KCNMA1: variants seen among roughly 807,000 people sequenced by gnomAD.
KCNMA1 encodes potassium calcium-activated channel subfamily M alpha 1.
A neutral mutation model predicts 140.0 loss-of-function variants in KCNMA1; 29 were observed. The observed-to-expected ratio is 0.21, with a 90% CI of 0.15 to 0.28. The LOEUF is 0.28. Ranked by LOEUF, KCNMA1 falls within the 10% of genes least tolerant of loss-of-function variation. The pLI is 1.00. For synonymous variants in KCNMA1, 612 were observed against 611.9 expected (o/e 1.00, Z 0.00); for missense variants, 880 against 1,602.2 (o/e 0.55, Z 7.70).
At chr10:77,532,272 G>A (rs1433750648) in intron 1 of KCNMA1, among the ~76,000 whole-genome samples, 2 of 152,300 alleles carry the variant, frequency 1.3e-5, no homozygotes, top group South Asian at 2.1e-4. Context: ...GCAGGCGTGT[G>A]CTAACACGTC....
At chr10:76,878,349 T>A (rs1415297697) in intron 29 of KCNMA1, among the ~76,000 whole-genome samples, 1 of 152,150 alleles carries the variant, frequency 6.6e-6, no homozygotes, top group African/African-American at 2.4e-5. Flanking sequence ...ATCCAGAATC[T>A]TACACAGAAT....
intron 2 of KCNMA1, among the ~76,000 whole-genome samples, chr10:77,324,506 C>A (rs2083293931): frequency 6.6e-6 from 1 of 151,604 alleles, no homozygotes; most frequent in African/African-American, 2.4e-5. Flanking sequence ...AGCACACAAG[C>A]CCTGTCAATG....
At chr10:77,171,402 T>C (rs368747158) in intron 5 of KCNMA1, among the ~76,000 whole-genome samples, 240 of 26,664 alleles carry the variant, frequency 9.0e-3, no homozygotes, top group Middle Eastern at 0.07. Flanking sequence ...TGTGTGTGCG[T>C]GTGTGTGTGT....
At chr10:77,019,147 T>C (rs1437394980) in intron 16 of KCNMA1, 48 bp from the exon 17 acceptor site, 2 of 1,035,608 alleles carry the variant, frequency 1.9e-6, no homozygotes, top group East Asian at 2.4e-5. Context: ...TGTGAGGTCA[T>C]GTTCTGAATA....
At chr10:77,013,447 G>T (rs1213418847) in intron 17 of KCNMA1, among the ~76,000 whole-genome samples, 1 of 151,952 alleles carries the variant, frequency 6.6e-6, no homozygotes, top group South Asian at 2.1e-4. Context: ...AAAATAAAAA[G>T]AAATCCTAGC....
At position 77,004,909 on chromosome 10, in the gene KCNMA1, G is replaced by A. The variant is rs570184037; in HGVS notation, c.2093-3329C>T. The stretch of plus-strand genomic sequence containing the variant: ...AAGAGTTCCACTTTAAATTCCCAAG[G>A]TTAGGTCTCAAAGTGCAACTTTGAA... On this transcript the variant is annotated intron_variant, in intron 18 of 27. Coordinates refer to ENST00000286628, the MANE Select transcript of KCNMA1 (RefSeq NM_001161352.2). Among the ~76,000 whole-genome samples, 3 of 152,232 alleles carry A rather than the reference G, an allele frequency of 2.0e-5. No homozygotes were observed. In the South Asian group the frequency reaches 6.2e-4, roughly 32 times the overall value.
intron 19 of KCNMA1, chr10:76,974,663 G>C (rs1424441243): frequency 1.1e-6 from 1 of 876,028 alleles, no homozygotes; most frequent in Non-Finnish European, 1.8e-6. Context: ...ACATTGAATA[G>C]CTTTGAATCA....
chr10:76,932,816 G>A (rs996236169), intron 23 of KCNMA1, among the ~76,000 whole-genome samples: 6 of 152,106 alleles, frequency 3.9e-5, no homozygotes, highest in Admixed American at 6.5e-5. Flanking sequence ...CCAGTCTACC[G>A]CTGAGAGGAA....
intron 2 of KCNMA1, among the ~76,000 whole-genome samples, chr10:77,270,341 A>G (rs1035049740): frequency 6.6e-6 from 1 of 152,132 alleles, no homozygotes; most frequent in Non-Finnish European, 1.5e-5. Context: ...ATAGTGGTGC[A>G]TGTTGGTCCC....
At chr10:77,214,951 G>A (rs1375647076) in intron 3 of KCNMA1, among the ~76,000 whole-genome samples, 1 of 152,128 alleles carries the variant, frequency 6.6e-6, no homozygotes, top group Non-Finnish European at 1.5e-5. Flanking sequence ...GGCATTCAAA[G>A]TCATCTTTGT....
intron 1 of KCNMA1, chr10:77,587,962 C>A (rs946657004): frequency 3.5e-6 from 2 of 579,422 alleles, no homozygotes; most frequent in African/African-American, 2.0e-5. Flanking sequence ...AGAAATAATA[C>A]TGCAAAGCAC....
chr10:77,562,408 G>C (rs545436451), intron 1 of KCNMA1, among the ~76,000 whole-genome samples: 5 of 152,188 alleles, frequency 3.3e-5, no homozygotes, highest in Non-Finnish European at 7.3e-5. Flanking sequence ...TTCCTCGCAA[G>C]CTGTTGTCAG....
chr10:76,872,962 T>TAA (rs2031649813), downstream of KCNMA1: 1 of 152,136 alleles, frequency 6.6e-6, no homozygotes, highest in African/African-American at 2.4e-5. Flanking sequence ...TCTCAGGTCC[T>TAA]TTTTGTGATT....
At chr10:77,481,540 C>T (rs1049393738) in intron 1 of KCNMA1, among the ~76,000 whole-genome samples, 8 of 151,760 alleles carry the variant, frequency 5.3e-5, no homozygotes, top group African/African-American at 9.7e-5. Context: ...TTTGGGAGGC[C>T]GAGACGGGCG....
chr10:77,314,360 G>A lies in KCNMA1; in HGVS notation c.541-63104C>T, dbSNP rs7072236. 2.2e-3 allele frequency among the ~76,000 whole-genome samples: 331 copies of A among 152,230 alleles called. 2 individuals are homozygous for A. The highest frequency in any genetic ancestry group is 0.014 in the Middle Eastern group (4 of 294). On this transcript the variant is annotated intron_variant, in intron 2 of 27. Transcript: ENST00000286628. ...CAGACTGTCTGGCTGCAGGAATTAG[G>A]GCAAATCAGAGATGTTATAGAAAGA...
At chr10:77,099,145 G>A (rs1231439443) in intron 9 of KCNMA1, among the ~76,000 whole-genome samples, 4 of 152,064 alleles carry the variant, frequency 2.6e-5, no homozygotes, top group African/African-American at 4.8e-5. Context: ...AGGGATGAAG[G>A]TGGAATAGAG....
At chr10:77,628,687 T>C (rs1294824063) in intron 1 of KCNMA1, among the ~76,000 whole-genome samples, 1 of 152,060 alleles carries the variant, frequency 6.6e-6, no homozygotes, top group Non-Finnish European at 1.5e-5. Context: ...TTTTTCCTTT[T>C]TAAAAAAACA....
intron 3 of KCNMA1, among the ~76,000 whole-genome samples, chr10:77,200,476 T>G (rs2042101617): frequency 6.6e-6 from 1 of 152,180 alleles, no homozygotes; most frequent in African/African-American, 2.4e-5. Context: ...TACCCCTTCT[T>G]CAGGGCCTGC....
At chr10:77,033,823 CTG>C (rs1446614690) in intron 15 of KCNMA1, among the ~76,000 whole-genome samples, 1 of 152,148 alleles carries the variant, frequency 6.6e-6, no homozygotes, top group African/African-American at 2.4e-5. Flanking sequence ...TCTTGGGTCT[CTG>C]TAGTAGAAAT....
Sources: gnomAD v4.1 joint callset for allele counts (sites outside exome capture counted in the v4.1 genomes callset) on GRCh38, gnomAD v4.1.1 for gene constraint, MANE v1.5 for transcripts, NCBI Gene and HGNC (gene_info 2026-07-23, HGNC 2026-07-21) for gene names.